The following VTA1 variants were observed in gnomAD, a reference collection of about 807,000 sequenced individuals.
VTA1 encodes vacuolar protein sorting-associated protein VTA1 homolog.
VTA1 carries 24 observed loss-of-function variants against 36.9 expected under a neutral mutation model. That is an observed-to-expected ratio of 0.65 (90% confidence interval 0.47 to 0.91). The LOEUF (loss-of-function observed/expected upper bound fraction) is 0.91, where lower values mean the gene tolerates loss of function less well. Among genes scored for constraint, VTA1 ranks in the 40% least tolerant of loss-of-function variants. VTA1 has a pLI of 0.00. For missense variants in VTA1, 393 were observed against 377.2 expected (o/e 1.04, Z -0.35); for synonymous variants, 142 against 130.2 (o/e 1.09, Z -0.62).
At chr6:142,189,379 ACTT>A in intron 4 of VTA1, 44 bp from the exon 5 acceptor site, 1 of 1,438,964 alleles carries the variant, frequency 6.9e-7, no homozygotes, top group Non-Finnish European at 9.6e-7. Flanking sequence ...TTTACTTTTT[ACTT>A]CTTTACCATA....
intron 2 of VTA1, among the ~76,000 whole-genome samples, chr6:142,168,960 G>A (rs1325760059): frequency 6.6e-6 from 1 of 151,552 alleles, no homozygotes; most frequent in Non-Finnish European, 1.5e-5. Context: ...TAGTAGAGAC[G>A]GGGTTTCACT....
chr6:142,206,730 A>C (rs886325840), intron 7 of VTA1, among the ~76,000 whole-genome samples: 2 of 152,216 alleles, frequency 1.3e-5, no homozygotes, highest in Non-Finnish European at 1.5e-5. Context: ...ATAGTATGGT[A>C]CTGGCAGAAG....
intron 6 of VTA1, 91 bp downstream of exon 6, chr6:142,198,706 C>T (rs1775619475): frequency 8.3e-7 from 1 of 1,205,766 alleles, no homozygotes; most frequent in Non-Finnish European, 1.1e-6. Context: ...TAATGATGGT[C>T]ATGAAAACAT....
chr6:142,165,980 C>CTT (rs763634462), intron 1 of VTA1, among the ~76,000 whole-genome samples: 290 of 133,404 alleles, frequency 2.2e-3, no homozygotes, highest in African/African-American at 7.2e-3. Context: ...ACCTAGTCCT[C>CTT]TTTTTTTTTT....
chr6:142,189,229 A>G (rs1775404534), intron 4 of VTA1, among the ~76,000 whole-genome samples, 197 bp from the exon 5 acceptor site: 1 of 152,188 alleles, frequency 6.6e-6, no homozygotes, highest in African/African-American at 2.4e-5. Flanking sequence ...TTTGAGGACA[A>G]TAGCTTTTCA....
chr6:142,166,780 G>A (rs1042856307), intron 2 of VTA1, among the ~76,000 whole-genome samples: 3 of 151,928 alleles, frequency 2.0e-5, no homozygotes, highest in South Asian at 2.1e-4. Context: ...CGCTAAACGC[G>A]CCCGGCTAGT....
chr6:142,193,727 A>G (rs555556410), intron 5 of VTA1, among the ~76,000 whole-genome samples: 1 of 151,720 alleles, frequency 6.6e-6, no homozygotes, highest in South Asian at 2.1e-4. Flanking sequence ...TCTAGTATAC[A>G]GCTATTGATC....
chr6:142,217,550 GTATTTGTGTA>G (rs1472525961), intron 7 of VTA1, among the ~76,000 whole-genome samples: 1 of 151,252 alleles, frequency 6.6e-6, no homozygotes, highest in Non-Finnish European at 1.5e-5. Flanking sequence ...CTGCGTGTGT[GTATTTGTGTA>G]TACACACACG....
chr6:142,190,328 T>G (rs1775429989), intron 5 of VTA1, among the ~76,000 whole-genome samples: 1 of 152,190 alleles, frequency 6.6e-6, no homozygotes, highest in Non-Finnish European at 1.5e-5. Context: ...GTTTTTTTTG[T>G]GTATCTTTAC....
chr6:142,217,473 C>G (rs1776022642), intron 7 of VTA1, among the ~76,000 whole-genome samples: 1 of 151,724 alleles, frequency 6.6e-6, no homozygotes, highest in Non-Finnish European at 1.5e-5. Flanking sequence ...ATATTGTATC[C>G]ACTTGCCTGG....
intron 7 of VTA1, among the ~76,000 whole-genome samples, chr6:142,204,769 G>C (rs898713048): frequency 3.9e-5 from 6 of 152,014 alleles, no homozygotes; most frequent in African/African-American, 7.3e-5. Flanking sequence ...TTTTGAGACA[G>C]TGTGGAGTGC....
Position 142,222,719 on chromosome 6 carries a change from T to G in VTA1, c.*4076T>G, listed in dbSNP as rs1016103564. The G allele has an allele frequency of 1.6e-5, 1 of 61,888 alleles. No individual in the cohort carries two copies. Among genetic ancestry groups the G allele is most frequent in the Middle Eastern group, 0.013 (1 of 78 alleles). 3.8% of individuals were successfully genotyped at this position (61,888 alleles called of 1,614,324 possible). The stretch of plus-strand genomic sequence containing the variant: ...TGTAATCTTTGAAGTCTATGTGGAA[T>G]TCTAAGACTGCAGGCTTGTTCATTG... On this transcript the variant is annotated 3_prime_UTR_variant, in exon 8 of 8. Transcript: ENST00000367630.
chr6:142,198,500 A>G lies in VTA1; in HGVS notation c.582A>G (p.Ser194=), dbSNP rs1307667997. Residue 194 remains serine, a synonymous_variant, in exon 6 of 8, where the codon TCA becomes TCG. Transcript: ENST00000367630. ...ASLPTQPTQP[S]SSSTYDPSNM... is the part of the protein sequence containing the mutation. ...TGCCCACTCAGCCAACTCAGCCATC[A>G]TCATCTTCAACTTATGACCCAAGCA... 3 of 1,614,042 alleles carry G rather than the reference A, an allele frequency of 1.9e-6. No homozygotes were observed. The highest frequency in any genetic ancestry group is 2.7e-5 in the African/African-American group (2 of 74,942).
chr6:142,198,117 A>ATG lies in VTA1; in HGVS notation c.521-321_521-320insGT, dbSNP rs1265860816. 8.9e-3 allele frequency among the ~76,000 whole-genome samples: 702 copies of ATG among 78,606 alleles called. 3 individuals are homozygous for ATG. Among genetic ancestry groups the ATG allele is most frequent in the Middle Eastern group, 0.042 (6 of 144 alleles). 51.6% of individuals were successfully genotyped at this position (78,606 alleles called of 152,430 possible). ...GTCTCAAAAAAAAATATATATATAT[A>ATG]TATGTGTGTGTGTGTGTGTGTGTGT... On this transcript the variant is annotated intron_variant, in intron 5 of 7. Coordinates refer to ENST00000367630, the MANE Select transcript of VTA1 (RefSeq NM_016485.5).
rs578153579 is a variant in VTA1, at chr6:142,177,190, G to C, written c.411+6769G>C. 1.3e-5 allele frequency among the ~76,000 whole-genome samples: 2 copies of C among 152,256 alleles called. 1 individual carries two copies. The highest frequency in any genetic ancestry group is 1.3e-4 in the Admixed American group (2 of 15,300). ...TTACAGTAGAAATTCCATGTGTCTTGTACTCACTTGTATGATAATTGCCAA... is the reference window on the plus strand; with the variant it reads ...TTACAGTAGAAATTCCATGTGTCTTCTACTCACTTGTATGATAATTGCCAA... On this transcript the variant is annotated intron_variant, in intron 4 of 7. Transcript: ENST00000367630.
chr6:142,167,072 C>T lies in VTA1; in HGVS notation c.207+750C>T, dbSNP rs1774930762. ...TGATGCCAATTACTTATCCTTTCTT[C>T]CTCCCTCTCTGGGGTCCCAGGGCAA... On this transcript the variant is annotated intron_variant, in intron 2 of 7. Transcript: ENST00000367630. Among the ~76,000 whole-genome samples the T allele has an allele frequency of 2.0e-5, 3 of 152,120 alleles. No homozygotes were observed. The South Asian group carries it at 6.2e-4, about 32-fold the overall frequency.
intron 7 of VTA1, among the ~76,000 whole-genome samples, chr6:142,208,858 G>T (rs1026927049): frequency 6.6e-6 from 1 of 152,142 alleles, no homozygotes; most frequent in African/African-American, 2.4e-5. Context: ...AGACACAAAA[G>T]CTGACCCATC....
chr6:142,188,696 A>G (rs761025195), intron 4 of VTA1, among the ~76,000 whole-genome samples: 170 of 152,106 alleles, frequency 1.1e-3, no homozygotes, highest in Non-Finnish European at 1.6e-3. Context: ...GGTCAGTGGA[A>G]AATATAAACT....
intron 4 of VTA1, among the ~76,000 whole-genome samples, chr6:142,173,605 G>A (rs1308937672): frequency 6.6e-6 from 1 of 152,174 alleles, no homozygotes. Flanking sequence ...GCTAACAATG[G>A]TGAATCCAGC....
Sources: allele counts gnomAD v4.1 joint callset (sites outside exome capture counted in the v4.1 genomes callset), GRCh38; gene constraint gnomAD v4.1.1; transcripts MANE v1.5; gene names NCBI Gene and HGNC (gene_info 2026-07-23, HGNC 2026-07-21).